The following APOD variants were observed in gnomAD, a reference collection of about 807,000 sequenced individuals.
APOD encodes the protein apolipoprotein D, also known as apo-D.
APOD carries 22 observed loss-of-function variants against 20.4 expected under a neutral mutation model. The observed-to-expected ratio is 1.08, with a 90% CI of 0.77 to 1.54. APOD has a LOEUF of 1.54. APOD is among the 40% of genes most tolerant of loss of function. The pLI is 0.00. For synonymous variants in APOD, 97 were observed against 92.4 expected, an observed-to-expected ratio of 1.05 and a Z score of -0.29; for missense variants, 223 against 229.6, an observed-to-expected ratio of 0.97 and a Z score of 0.19.
intron 2 of APOD, among the ~76,000 whole-genome samples, chr3:195,578,916 C>A (rs1448761531): frequency 6.6e-6 from 1 of 152,202 alleles, no homozygotes; most frequent in Non-Finnish European, 1.5e-5. Flanking sequence ...CACTGCCAGC[C>A]TCCCACCTGA....
chr3:195,581,450 G>A (rs138119212), intron 1 of APOD, among the ~76,000 whole-genome samples: 2 of 152,344 alleles, frequency 1.3e-5, no homozygotes, highest in Non-Finnish European at 2.9e-5. Context: ...GCCTGGCCCA[G>A]AGGATCAAAC....
At chr3:195,572,292 G>T (rs756701093) in intron 3 of APOD, among the ~76,000 whole-genome samples, 2 of 152,214 alleles carry the variant, frequency 1.3e-5, no homozygotes, top group Non-Finnish European at 2.9e-5. Context: ...GGATTTCAAT[G>T]TAGGCCAAGT....
chr3:195,568,892 G>C lies in APOD; in HGVS notation c.*8C>G. ...ATGGAGTGGGTGCAGCCTCCCTGTA[G>C]AACCTGGTTACGAGAGCTTGGGGCA... On this transcript the variant is annotated 3_prime_UTR_variant, in exon 5 of 5. Transcript: ENST00000343267. The C allele has an allele frequency of 6.2e-7, 1 of 1,605,686 alleles. No individual in the cohort carries two copies. Among genetic ancestry groups the C allele is most frequent in the Non-Finnish European group, 8.5e-7 (1 of 1,172,770 alleles).
intron 4 of APOD, among the ~76,000 whole-genome samples, chr3:195,569,442 C>G (rs1720120982): frequency 6.6e-6 from 1 of 152,126 alleles, no homozygotes; most frequent in Non-Finnish European, 1.5e-5. Context: ...TTCAGCTGCT[C>G]TGTGTATTCC....
intron 1 of APOD, 69 bp from the exon 2 acceptor site, chr3:195,579,564 A>T: frequency 6.6e-7 from 1 of 1,520,566 alleles, no homozygotes; most frequent in Non-Finnish European, 8.8e-7. Context: ...ATGAAGTAAG[A>T]GTGCTGTGCC....
intron 2 of APOD, among the ~76,000 whole-genome samples, chr3:195,577,719 T>C (rs1720269652): frequency 6.6e-6 from 1 of 152,222 alleles, no homozygotes; most frequent in African/African-American, 2.4e-5. Flanking sequence ...CCTACAAGAA[T>C]ATTATTTGGC....
At chr3:195,572,737 C>A (rs182147724) in intron 3 of APOD, among the ~76,000 whole-genome samples, 1 of 152,008 alleles carries the variant, frequency 6.6e-6, no homozygotes, top group Non-Finnish European at 1.5e-5. Context: ...GTTGGCCGGG[C>A]GTGGTGGCTC....
intron 1 of APOD, among the ~76,000 whole-genome samples, chr3:195,579,706 G>A (rs967862132): frequency 5.3e-5 from 8 of 151,996 alleles, no homozygotes; most frequent in Non-Finnish European, 4.4e-5. Flanking sequence ...CCACGAGGGC[G>A]CTCTCTGCCT....
intron 4 of APOD, among the ~76,000 whole-genome samples, chr3:195,569,636 CCTT>C: frequency 6.6e-6 from 1 of 152,036 alleles, no homozygotes; most frequent in Non-Finnish European, 1.5e-5. Flanking sequence ...ACATGTCTCT[CCTT>C]ATTTGAAAAC....
intron 1 of APOD, among the ~76,000 whole-genome samples, chr3:195,580,462 T>A (rs769061539): frequency 1.3e-5 from 2 of 151,800 alleles, no homozygotes; most frequent in Non-Finnish European, 2.9e-5. Flanking sequence ...TGGAGTGCAG[T>A]GGCACAATCT....
intron 3 of APOD, among the ~76,000 whole-genome samples, chr3:195,571,639 G>A (rs1458674057): frequency 6.6e-6 from 1 of 152,180 alleles, no homozygotes; most frequent in African/African-American, 2.4e-5. Context: ...GGATGGGACA[G>A]TATGTTAGGC....
In APOD at chr3:195,569,831, C is replaced by A. The variant is rs192235321; in HGVS notation, c.335-696G>T. ...TTTTTTTTTTTGAGATGGAGTTTCA[C>A]TCTTGTCGCCCAGGCTGGAGTGCAA... On this transcript the variant is annotated intron_variant, in intron 4 of 4. Coordinates refer to ENST00000343267, the MANE Select transcript of APOD (RefSeq NM_001647.4). Among the ~76,000 whole-genome samples the A allele has an allele frequency of 1.0e-3, 104 of 101,900 alleles. 1 individual carries two copies. The East Asian group carries it at 0.03, about 30-fold the overall frequency. The allele number at this position is 101,900 out of a possible 152,430, so 66.9% of individuals were successfully genotyped here. A position where few individuals can be genotyped will look rare whatever the true frequency, so the allele number is the denominator to read the frequency against.
intron 1 of APOD, among the ~76,000 whole-genome samples, chr3:195,580,368 C>CTTTTTTTT (rs201305902): frequency 6.4e-5 from 9 of 140,640 alleles, no homozygotes; most frequent in East Asian, 4.1e-4. Flanking sequence ...TTTCTTTCTT[C>CTTTTTTTT]TTTTTTTTTT....
At chr3:195,580,441 G>C (rs1204029048) in intron 1 of APOD, among the ~76,000 whole-genome samples, 2 of 147,246 alleles carry the variant, frequency 1.4e-5, no homozygotes, top group African/African-American at 5.1e-5. Context: ...GTCTCACTCT[G>C]TCACCCAGGC....
At position 195,579,390 on chromosome 3, in the gene APOD, A is replaced by G. The variant is rs1720297251; in HGVS notation, c.72T>C (p.His24=). 1.2e-6 allele frequency: 2 copies of G among 1,614,118 alleles called. No homozygotes were observed. The highest frequency in any genetic ancestry group is 1.7e-5 in the Admixed American group (1 of 60,014). ...CCGGAGGATTGGGGCACTTCCCAAG[A>G]TGAAATGCTTGTCCCTCTGCCGCAC... is the stretch of plus-strand genomic sequence containing the variant. ...LFGAAEGQAF[H]LGKCPNPPVQ... The change falls in exon 2 of 5, where the codon CAT becomes CAC. Residue 24 remains histidine (H), a synonymous_variant. Transcript: ENST00000343267.
At chr3:195,581,305 C>T (rs1371222254) in intron 1 of APOD, among the ~76,000 whole-genome samples, 1 of 152,140 alleles carries the variant, frequency 6.6e-6, no homozygotes, top group Non-Finnish European at 1.5e-5. Context: ...TCATCGGCTC[C>T]ACCACTGTAT....
intron 3 of APOD, among the ~76,000 whole-genome samples, chr3:195,573,294 C>T (rs1242143398): frequency 3.9e-5 from 6 of 152,168 alleles, no homozygotes; most frequent in African/African-American, 1.2e-4. Context: ...CTTTCCAAAG[C>T]GTAGCTTTTT....
In APOD at chr3:195,580,368, C is replaced by CTTTTTT. The variant is rs201305902; in HGVS notation, c.-34-879_-34-874dup. On this transcript the variant is annotated intron_variant, in intron 1 of 4. Transcript: ENST00000343267. Reference sequence around the variant, plus strand: ...TCTTTTCTTTTCTTCTTTCTTTCTTCTTTTTTTTTTTTTGACATTCTGTTG... The same window carrying CTTTTTT: ...TCTTTTCTTTTCTTCTTTCTTTCTTCTTTTTTTTTTTTTTTTTTTGACATTCTGTTG... 7.6e-4 allele frequency among the ~76,000 whole-genome samples: 107 copies of CTTTTTT among 140,648 alleles called. 1 individual carries two copies. The highest frequency in any genetic ancestry group is 2.2e-3 in the South Asian group (10 of 4,454). 92.3% of individuals were successfully genotyped at this position (140,648 alleles called of 152,430 possible).
intron 1 of APOD, 77 bp from the exon 2 acceptor site, chr3:195,579,572 G>T (rs1720301237): frequency 1.3e-6 from 2 of 1,486,796 alleles, no homozygotes; most frequent in Admixed American, 3.9e-5. Context: ...AGAGTGCTGT[G>T]CCCATGGTCC....
Sources: allele counts gnomAD v4.1 joint callset (sites outside exome capture counted in the v4.1 genomes callset), GRCh38; gene constraint gnomAD v4.1.1; transcripts MANE v1.5; gene names NCBI Gene and HGNC (gene_info 2026-07-23, HGNC 2026-07-21).